SLC44A5: variants seen among roughly 807,000 people sequenced by gnomAD.
The protein encoded by SLC44A5 is choline transporter-like protein 5.
Under a neutral mutation model 101.8 loss-of-function variants are expected in SLC44A5, and 57 were observed. The observed-to-expected ratio is 0.56, with a 90% CI of 0.45 to 0.70. SLC44A5 has a LOEUF of 0.70. Ranked by LOEUF, SLC44A5 falls within the 30% of genes least tolerant of loss-of-function variation. The pLI, the probability that SLC44A5 is intolerant of heterozygous loss-of-function variation, is 0.00. For synonymous variants in SLC44A5, 281 were observed against 290.9 expected (o/e 0.97, Z 0.35); for missense variants, 737 against 853.1 (o/e 0.86, Z 1.70).
chr1:75,651,420 G>A, the SLC44A5 span, among the ~76,000 whole-genome samples: 1 of 152,098 alleles, frequency 6.6e-6, no homozygotes, highest in Non-Finnish European at 1.5e-5. Context: ...TTGTGTAGTA[G>A]AAGACTTTTT....
At chr1:75,266,054 G>GT (rs1650959928) in intron 6 of SLC44A5, among the ~76,000 whole-genome samples, 1 of 151,992 alleles carries the variant, frequency 6.6e-6, no homozygotes, top group South Asian at 2.1e-4. Flanking sequence ...TTTGGACACC[G>GT]TAAAAACCCC....
chr1:75,383,837 A>T (rs560718248), intron 3 of SLC44A5, among the ~76,000 whole-genome samples: 2 of 152,208 alleles, frequency 1.3e-5, no homozygotes, highest in Non-Finnish European at 2.9e-5. Flanking sequence ...AGGGAAGCCC[A>T]TCAGACTAAC....
chr1:75,364,207 T>C (rs571618892), intron 3 of SLC44A5, among the ~76,000 whole-genome samples: 2 of 152,306 alleles, frequency 1.3e-5, no homozygotes, highest in East Asian at 1.9e-4. Flanking sequence ...TGCATTGCTA[T>C]AAAGAAATAC....
chr1:75,434,808 T>C (rs938799842), intron 2 of SLC44A5, among the ~76,000 whole-genome samples: 3 of 152,180 alleles, frequency 2.0e-5, no homozygotes, highest in Non-Finnish European at 4.4e-5. Flanking sequence ...ATTGAAATCC[T>C]ACTCAACTTT....
intron 2 of SLC44A5, among the ~76,000 whole-genome samples, chr1:75,406,631 T>G (rs1395499952): frequency 1.3e-5 from 2 of 152,330 alleles, no homozygotes; most frequent in Non-Finnish European, 2.9e-5. Flanking sequence ...TCTTAATAGA[T>G]GCAGAAAAGG....
chr1:75,302,182 G>T (rs1469141750), intron 4 of SLC44A5, among the ~76,000 whole-genome samples: 2 of 139,162 alleles, frequency 1.4e-5, no homozygotes, highest in Admixed American at 7.8e-5. Context: ...TGTGAGCAGG[G>T]TATCTGTTTC....
the SLC44A5 span, among the ~76,000 whole-genome samples, chr1:75,704,118 A>G: frequency 6.6e-6 from 1 of 152,170 alleles, no homozygotes; most frequent in Non-Finnish European, 1.5e-5. Flanking sequence ...ATACTGAACA[A>G]AAGTATAAAC....
chr1:75,490,930 T>TAA (rs879312920), intron 2 of SLC44A5, among the ~76,000 whole-genome samples: 1 of 147,924 alleles, frequency 6.8e-6, no homozygotes, highest in African/African-American at 2.5e-5. Flanking sequence ...TCTACTTTTT[T>TAA]AAAAAAAAAA....
Position 75,237,316 on chromosome 1 carries a change from C to T in SLC44A5, c.657-246G>A, listed in dbSNP as rs538222708. 4.6e-5 allele frequency among the ~76,000 whole-genome samples: 7 copies of T among 152,158 alleles called. No individual in the cohort carries two copies. In the South Asian group the frequency reaches 1.4e-3, roughly 32 times the overall value. On this transcript the variant is annotated intron_variant, in intron 10 of 23. Transcript: ENST00000370859. ...CAAGAACGGTGAACAAATCCTTTTC[C>T]ACTGTATGCAACATTCCCTCAATAT... is the stretch of plus-strand genomic sequence containing the variant.
At chr1:75,257,371 A>G (rs894089276) in intron 6 of SLC44A5, among the ~76,000 whole-genome samples, 3 of 152,170 alleles carry the variant, frequency 2.0e-5, no homozygotes, top group Admixed American at 2.0e-4. Context: ...CACTTGCACT[A>G]CAAAGAAGAA....
chr1:75,263,998 G>A (rs1650769406), intron 6 of SLC44A5, among the ~76,000 whole-genome samples: 1 of 152,018 alleles, frequency 6.6e-6, no homozygotes, highest in Non-Finnish European at 1.5e-5. Context: ...CGGCTTAGGG[G>A]AGGGATAGCA....
chr1:75,295,709 C>T (rs997895462), intron 5 of SLC44A5, among the ~76,000 whole-genome samples: 6 of 152,134 alleles, frequency 3.9e-5, no homozygotes, highest in Admixed American at 3.3e-4. Flanking sequence ...GGAGCCACTA[C>T]AGTAGTGGGA....
chr1:75,474,582 G>A (rs923665623), intron 2 of SLC44A5, among the ~76,000 whole-genome samples: 5 of 152,156 alleles, frequency 3.3e-5, no homozygotes, highest in South Asian at 4.1e-4. Context: ...TACGTGTAAT[G>A]TTACACAAGG....
chr1:75,609,153 C>T (rs1451816959), intron 1 of SLC44A5, among the ~76,000 whole-genome samples: 2 of 151,672 alleles, frequency 1.3e-5, no homozygotes, highest in Non-Finnish European at 2.9e-5. Flanking sequence ...AGACGGCAAC[C>T]TTCCTTTCTT....
At chr1:75,242,296 C>A (rs1372097711) in intron 8 of SLC44A5, among the ~76,000 whole-genome samples, 8 of 151,916 alleles carry the variant, frequency 5.3e-5, no homozygotes, top group Non-Finnish European at 8.8e-5. Flanking sequence ...CATCTGAAAA[C>A]AAGGAACACC....
At chr1:75,563,107 C>A (rs1025738423) in intron 1 of SLC44A5, among the ~76,000 whole-genome samples, 5 of 152,042 alleles carry the variant, frequency 3.3e-5, no homozygotes, top group Admixed American at 3.3e-4. Flanking sequence ...TAGTTTTATA[C>A]AAGAACTCTT....
At chr1:75,487,577 G>A (rs1013718894) in intron 2 of SLC44A5, among the ~76,000 whole-genome samples, 3 of 152,188 alleles carry the variant, frequency 2.0e-5, no homozygotes, top group Non-Finnish European at 2.9e-5. Context: ...TCAATGGACT[G>A]TGATCATTTC....
intron 3 of SLC44A5, among the ~76,000 whole-genome samples, chr1:75,349,375 G>T (rs960636428): frequency 1.3e-5 from 2 of 152,114 alleles, no homozygotes; most frequent in Non-Finnish European, 2.9e-5. Context: ...TTACACTGAG[G>T]ATGGAATGTG....
chr1:75,621,170 A>C, the SLC44A5 span, among the ~76,000 whole-genome samples: 1 of 152,176 alleles, frequency 6.6e-6, no homozygotes, highest in Non-Finnish European at 1.5e-5. Flanking sequence ...CCTGATAGTG[A>C]TGACAAGGTT....
Sources: allele counts gnomAD v4.1 joint callset (sites outside exome capture counted in the v4.1 genomes callset), GRCh38; gene constraint gnomAD v4.1.1; transcripts MANE v1.5; gene names NCBI Gene and HGNC (gene_info 2026-07-23, HGNC 2026-07-21).